Variants in TUSC3 observed in about 807,000 individuals in gnomAD.
TUSC3 encodes tumor suppressor candidate 3.
In TUSC3, 45 loss-of-function variants were observed where a neutral mutation model predicts 44.8. The ratio of observed to expected loss-of-function variants is 1.00; its 90% CI spans 0.79 to 1.29. The LOEUF is 1.29. Ranked by LOEUF, TUSC3 falls within the 50% of genes most tolerant of loss-of-function variation. TUSC3 has a pLI of 0.00. For missense variants in TUSC3, 519 were observed against 437.9 expected, an observed-to-expected ratio of 1.19 and a Z score of -1.65; for synonymous variants, 212 against 152.9, an observed-to-expected ratio of 1.39 and a Z score of -2.85.
chr8:15,472,934 C>G (rs377630554), intron 1 of TUSC3, among the ~76,000 whole-genome samples: 54 of 152,252 alleles, frequency 3.5e-4, no homozygotes, highest in African/African-American at 1.3e-3. Context: ...CATTTTACAG[C>G]TAAGTAAATA....
intron 2 of TUSC3, among the ~76,000 whole-genome samples, chr8:15,506,591 G>A (rs1276005877): frequency 1.3e-5 from 2 of 152,184 alleles, no homozygotes; most frequent in Admixed American, 6.5e-5. Context: ...GGAGGCAAGG[G>A]AGGAGCAAAG....
the TUSC3 span, among the ~76,000 whole-genome samples, chr8:15,798,438 G>C: frequency 6.6e-6 from 1 of 152,046 alleles, no homozygotes; most frequent in African/African-American, 2.4e-5. Context: ...TTCCACCTTA[G>C]AAACAGACTC....
At chr8:15,648,509 G>C in intron 2 of TUSC3, among the ~76,000 whole-genome samples, 1 of 151,578 alleles carries the variant, frequency 6.6e-6, no homozygotes, top group East Asian at 2.0e-4. Context: ...GGCGGATCAC[G>C]AGGTCAGGAG....
chr8:15,602,050 T>A (rs1804310329), intron 1 of TUSC3, among the ~76,000 whole-genome samples: 1 of 151,554 alleles, frequency 6.6e-6, no homozygotes, highest in Non-Finnish European at 1.5e-5. Context: ...ACCCAAAACT[T>A]TGTGAGCACT....
chr8:15,519,976 C>G (rs77659831), intron 2 of TUSC3, among the ~76,000 whole-genome samples: 6,940 of 152,212 alleles, frequency 0.046, 465 homozygotes, highest in African/African-American at 0.15. Flanking sequence ...AATTAGCAAT[C>G]TCTTTGCTCA....
chr8:15,702,512 T>C (rs1809448395), intron 6 of TUSC3, among the ~76,000 whole-genome samples: 3 of 152,120 alleles, frequency 2.0e-5, no homozygotes, highest in Admixed American at 2.0e-4. Flanking sequence ...TGAACAAATA[T>C]TTGAGGTGGG....
the TUSC3 span, among the ~76,000 whole-genome samples, chr8:15,849,005 C>G: frequency 7.2e-5 from 11 of 152,106 alleles, no homozygotes; most frequent in Non-Finnish European, 1.3e-4. Flanking sequence ...TTCTATATCC[C>G]TCACATGCCC....
At chr8:15,528,835 G>A (rs978356829) in intron 2 of TUSC3, among the ~76,000 whole-genome samples, 1 of 152,112 alleles carries the variant, frequency 6.6e-6, no homozygotes, top group Non-Finnish European at 1.5e-5. Context: ...TTTTCTTAGT[G>A]AGTCTAGGAA....
intron 9 of TUSC3, among the ~76,000 whole-genome samples, chr8:15,755,597 C>G (rs1036166202): frequency 1.3e-5 from 2 of 151,696 alleles, no homozygotes; most frequent in Non-Finnish European, 2.9e-5. Flanking sequence ...TCTGAGCCAG[C>G]AATTATAAAC....
the TUSC3 span, among the ~76,000 whole-genome samples, chr8:15,824,024 A>G: frequency 6.6e-6 from 1 of 152,198 alleles, no homozygotes; most frequent in Non-Finnish European, 1.5e-5. Flanking sequence ...GTTCTCAAAA[A>G]ATTTTTTAAA....
intron 2 of TUSC3, among the ~76,000 whole-genome samples, chr8:15,515,451 T>C (rs1801203908): frequency 6.6e-6 from 1 of 152,152 alleles, no homozygotes; most frequent in African/African-American, 2.4e-5. Flanking sequence ...CCTTTATTTA[T>C]AGTATGAACA....
the TUSC3 span, among the ~76,000 whole-genome samples, chr8:15,815,018 T>G: frequency 4.6e-5 from 7 of 152,090 alleles, no homozygotes; most frequent in Non-Finnish European, 1.0e-4. Context: ...CAGACACAAA[T>G]TAAATGTTTT....
At chr8:15,494,038 C>T (rs143229245) in intron 2 of TUSC3, among the ~76,000 whole-genome samples, 249 of 152,302 alleles carry the variant, frequency 1.6e-3, no homozygotes, top group Middle Eastern at 0.01. Flanking sequence ...ACACTCGTGG[C>T]ATGCTTGAGA....
intron 6 of TUSC3, among the ~76,000 whole-genome samples, chr8:15,720,782 G>A (rs756172804): frequency 4.6e-5 from 7 of 152,034 alleles, no homozygotes; most frequent in Non-Finnish European, 7.4e-5. Context: ...ATGATATAAT[G>A]GCACTAAGAG....
At chr8:15,674,875 C>T (rs371173105) in intron 6 of TUSC3, among the ~76,000 whole-genome samples, 23 of 152,038 alleles carry the variant, frequency 1.5e-4, no homozygotes, top group African/African-American at 5.3e-4. Context: ...TAATTGGAAG[C>T]AATTTTAGAG....
At chr8:15,647,794 C>T (rs1806699238) in intron 2 of TUSC3, among the ~76,000 whole-genome samples, 2 of 152,006 alleles carry the variant, frequency 1.3e-5, no homozygotes, top group Admixed American at 1.3e-4. Flanking sequence ...TCTCAACGTG[C>T]AATTTTAAAT....
In TUSC3 at chr8:15,463,096, G is replaced by GTC. The variant is rs554033789; in HGVS notation, n.92-20280_92-20279dup. 4.1e-4 allele frequency among the ~76,000 whole-genome samples: 62 copies of GTC among 149,624 alleles called. 1 individual carries two copies. The highest frequency in any genetic ancestry group is 1.5e-3 in the African/African-American group (61 of 40,572). Reference sequence around the variant, plus strand: ...TTTTTTTCTTCTTTTGCCTCTCTGTGTCTCTCTCTCTGTTTTTCTGGTTTA... The same window carrying GTC: ...TTTTTTTCTTCTTTTGCCTCTCTGTGTCTCTCTCTCTCTGTTTTTCTGGTTTA... On this transcript the variant is annotated intron_variant and non_coding_transcript_variant, in intron 1 of 5. Coordinates refer to the TUSC3 transcript ENST00000503191.
At chr8:15,515,826 C>G (rs13255702) in intron 2 of TUSC3, among the ~76,000 whole-genome samples, 62,696 of 151,746 alleles carry the variant, frequency 0.41, 15,770 homozygotes, top group Non-Finnish European at 0.57. Flanking sequence ...CGCCACCACA[C>G]CCGGCTATTT....
intron 2 of TUSC3, among the ~76,000 whole-genome samples, chr8:15,495,676 A>G (rs897113140): frequency 1.3e-5 from 2 of 152,114 alleles, no homozygotes; most frequent in Admixed American, 6.6e-5. Context: ...TCCACCAAGT[A>G]TACCTGCCAT....
Sources: allele counts gnomAD v4.1 joint callset (sites outside exome capture counted in the v4.1 genomes callset), GRCh38; gene constraint gnomAD v4.1.1; transcripts MANE v1.5; gene names NCBI Gene and HGNC (gene_info 2026-07-23, HGNC 2026-07-21).